CSMD1: variants seen among roughly 807,000 people sequenced by gnomAD.
CSMD1 encodes CUB and sushi domain-containing protein 1.
Under a neutral mutation model 417.5 loss-of-function variants are expected in CSMD1, and 213 were observed. That is an observed-to-expected ratio of 0.51 (90% CI 0.46 to 0.57). The LOEUF is 0.57. Ranked by LOEUF, CSMD1 falls within the 20% of genes least tolerant of loss-of-function variation. The pLI is 0.00. For missense variants in CSMD1, 6,923 were observed against 4,529.7 expected (o/e 1.53, Z -15.17); for synonymous variants, 2,862 against 1,736.8 (o/e 1.65, Z -16.11).
intron 1 of CSMD1, among the ~76,000 whole-genome samples, chr8:4,814,677 A>T (rs906915950): frequency 6.6e-6 from 1 of 152,194 alleles, no homozygotes; most frequent in African/African-American, 2.4e-5. Context: ...ATATGGGTGA[A>T]CACAACAGCA....
At chr8:4,739,115 C>A (rs62484600) in intron 1 of CSMD1, among the ~76,000 whole-genome samples, 2 of 152,220 alleles carry the variant, frequency 1.3e-5, no homozygotes, top group Admixed American at 6.5e-5. Context: ...CGTGCACACA[C>A]ACATACATGT....
intron 3 of CSMD1, among the ~76,000 whole-genome samples, chr8:4,151,160 G>A (rs374621795): frequency 1.6e-4 from 25 of 152,184 alleles, no homozygotes; most frequent in African/African-American, 6.0e-4. Context: ...GCCAATCTTT[G>A]AAAGCAAAGG....
At chr8:3,980,929 G>A (rs755591979) in intron 5 of CSMD1, among the ~76,000 whole-genome samples, 2 of 152,040 alleles carry the variant, frequency 1.3e-5, no homozygotes, top group Admixed American at 1.3e-4. Context: ...AAAACATCCC[G>A]CCGTTCCCAG....
rs141701530 is a variant in CSMD1, at chr8:3,645,694, G to T, written c.1010-28897C>A. Reference sequence around the variant, plus strand: ...AGAGACTACGGCATTGCCTTTGAAAGAACTTTACTTGGCTCTGCAAGGAAC... The same window carrying T: ...AGAGACTACGGCATTGCCTTTGAAATAACTTTACTTGGCTCTGCAAGGAAC... On this transcript the variant is annotated intron_variant, in intron 7 of 69. Coordinates refer to ENST00000635120, the MANE Select transcript of CSMD1 (RefSeq NM_033225.6). Among the ~76,000 whole-genome samples, 19 of 152,276 alleles carry T rather than the reference G, an allele frequency of 1.2e-4. No homozygotes were observed. The East Asian group carries it at 3.3e-3, about 26-fold the overall frequency.
At chr8:4,240,742 T>C (rs1407643196) in intron 3 of CSMD1, among the ~76,000 whole-genome samples, 1 of 152,202 alleles carries the variant, frequency 6.6e-6, no homozygotes, top group Non-Finnish European at 1.5e-5. Flanking sequence ...TCTTCCTTTT[T>C]TCTGTGCCCT....
At chr8:4,294,837 T>C (rs1797572004) in intron 3 of CSMD1, among the ~76,000 whole-genome samples, 2 of 151,962 alleles carry the variant, frequency 1.3e-5, no homozygotes, top group Non-Finnish European at 2.9e-5. Context: ...AATTAGTAAC[T>C]TTCCTAAAAT....
chr8:3,179,072 T>A (rs535545804), intron 37 of CSMD1, among the ~76,000 whole-genome samples: 4 of 151,340 alleles, frequency 2.6e-5, no homozygotes, highest in Admixed American at 2.0e-4. Context: ...CTCAGCCTCC[T>A]GAGCAGCTGG....
chr8:3,293,853 T>TTGTTCCATTGCTGGTGAGGAGCTG, intron 25 of CSMD1, among the ~76,000 whole-genome samples: 1 of 152,340 alleles, frequency 6.6e-6, no homozygotes, highest in Admixed American at 6.5e-5. Flanking sequence ...CCATCCAGCT[T>TTGTTCCATTGCTGGTGAGGAGCTG]TGTTCCATTG....
At chr8:4,642,941 T>G (rs1226336094) in intron 1 of CSMD1, among the ~76,000 whole-genome samples, 1 of 152,222 alleles carries the variant, frequency 6.6e-6, no homozygotes, top group African/African-American at 2.4e-5. Flanking sequence ...TAGCAAATTC[T>G]ACAAACGAGG....
intron 7 of CSMD1, chr8:3,700,732 G>A (rs971462861): frequency 5.3e-5 from 8 of 152,228 alleles, no homozygotes; most frequent in African/African-American, 1.7e-4. Context: ...AGTCCCTGGG[G>A]TGTTGAGTGT....
intron 1 of CSMD1, among the ~76,000 whole-genome samples, chr8:4,982,773 T>G (rs1810967358): frequency 6.6e-6 from 1 of 152,216 alleles, no homozygotes. Context: ...TCGGCTTGGC[T>G]ATACTTTTTA....
intron 3 of CSMD1, among the ~76,000 whole-genome samples, chr8:4,089,348 C>T (rs1009670119): frequency 2.0e-5 from 3 of 152,126 alleles, no homozygotes; most frequent in Non-Finnish European, 4.4e-5. Context: ...TGGGGGAAAG[C>T]ACAGGCTTTC....
At chr8:3,073,280 C>T (rs1260241831) in intron 49 of CSMD1, among the ~76,000 whole-genome samples, 1 of 151,928 alleles carries the variant, frequency 6.6e-6, no homozygotes, top group African/African-American at 2.4e-5. Context: ...AAATAGATAC[C>T]CACCTACCAG....
At chr8:3,046,890 C>A (rs75775195) in intron 50 of CSMD1, among the ~76,000 whole-genome samples, 1 of 151,746 alleles carries the variant, frequency 6.6e-6, no homozygotes, top group Admixed American at 6.6e-5. Context: ...AATTGAATCA[C>A]GTAGCTTAGA....
intron 1 of CSMD1, among the ~76,000 whole-genome samples, chr8:4,766,227 C>A (rs374015961): frequency 6.6e-6 from 1 of 152,108 alleles, no homozygotes; most frequent in Admixed American, 6.5e-5. Context: ...GGTGCGTTGG[C>A]AACAAGTGGA....
chr8:3,997,285 T>C (rs887291276), intron 5 of CSMD1, among the ~76,000 whole-genome samples: 1 of 152,224 alleles, frequency 6.6e-6, no homozygotes, highest in African/African-American at 2.4e-5. Context: ...ATCACGACCA[T>C]CACTCCTAAA....
chr8:3,385,364 T>A (rs1468060800), intron 18 of CSMD1, among the ~76,000 whole-genome samples: 1 of 151,408 alleles, frequency 6.6e-6, no homozygotes, highest in Non-Finnish European at 1.5e-5. Context: ...TTACCCTACA[T>A]GTTTTTATTG....
chr8:3,197,184 T>G (rs749767390), intron 33 of CSMD1, among the ~76,000 whole-genome samples: 49 of 152,086 alleles, frequency 3.2e-4, no homozygotes, highest in Non-Finnish European at 1.2e-4. Flanking sequence ...CAGGATGACA[T>G]GGAGGGTGGG....
intron 7 of CSMD1, among the ~76,000 whole-genome samples, chr8:3,618,141 A>G (rs1286731605): frequency 1.3e-5 from 2 of 152,026 alleles, no homozygotes; most frequent in African/African-American, 2.4e-5. Flanking sequence ...AGCTGGTAAC[A>G]CAGGCTTGTG....
Sources: gnomAD v4.1 joint callset for allele counts (sites outside exome capture counted in the v4.1 genomes callset) on GRCh38, gnomAD v4.1.1 for gene constraint, MANE v1.5 for transcripts, NCBI Gene and HGNC (gene_info 2026-07-23, HGNC 2026-07-21) for gene names.